The following UCN3 variants were observed in gnomAD, a reference collection of about 807,000 sequenced individuals.
The protein encoded by UCN3 is urocortin 3.
A neutral mutation model predicts 3.6 loss-of-function variants in UCN3; 3 were observed. The observed-to-expected ratio is 0.83, with a 90% CI of 0.38 to 2.15. UCN3 has a LOEUF of 2.15. Among genes scored for constraint, UCN3 ranks in the 30% most tolerant of loss-of-function variants. The pLI, the probability that UCN3 is intolerant of heterozygous loss-of-function variation, is 0.06. For missense variants in UCN3, 206 were observed against 208.3 expected (o/e 0.99, Z 0.07); for synonymous variants, 100 against 93.2 (o/e 1.07, Z -0.42).
intron 1 of UCN3, among the ~76,000 whole-genome samples, chr10:5,371,488 G>T (rs1315095870): frequency 6.6e-6 from 1 of 152,126 alleles, no homozygotes; most frequent in Non-Finnish European, 1.5e-5. Context: ...GGACTTACAG[G>T]ATCCTCCTTT....
Position 5,369,926 on chromosome 10 carries a change from T to C in UCN3, c.-6-3789T>C, listed in dbSNP as rs1281031945. On this transcript the variant is annotated intron_variant, in intron 1 of 1. Transcript: ENST00000380433. The stretch of plus-strand genomic sequence containing the variant: ...ATGTGTGTGTGTATATGTGTGTGTA[T>C]GTGTGTGTGTGTATGTGTGTGTATA... Among the ~76,000 whole-genome samples, 4 of 62,348 alleles carry C rather than the reference T, an allele frequency of 6.4e-5. 1 individual carries two copies. Among genetic ancestry groups the C allele is most frequent in the African/African-American group, 1.1e-4 (2 of 17,524 alleles). The allele number at this position is 62,348 out of a possible 152,430, so 40.9% of individuals were successfully genotyped here. A position where few individuals can be genotyped will look rare whatever the true frequency, so the allele number is the denominator to read the frequency against.
At chr10:5,370,501 ATGCGTGTGTATATGTGTGTGTATG>A (rs1831370071) in intron 1 of UCN3, among the ~76,000 whole-genome samples, 3 of 81,878 alleles carry the variant, frequency 3.7e-5, no homozygotes, top group African/African-American at 5.0e-5. Flanking sequence ...GTGTGTGTAT[ATGCGTGTGTATATGTGTGTGTATG>A]TGTGTGTGTA....
At position 5,373,944 on chromosome 10, in the gene UCN3, G is replaced by T. The variant is rs1277710738; in HGVS notation, c.224G>T (p.Gly75Val). The T allele has an allele frequency of 2.5e-6, 4 of 1,611,622 alleles. No homozygotes were observed. The Admixed American group carries it at 6.7e-5, about 27-fold the overall frequency. ...GCCTCTTCGGGAGAGGAGGAGGAGG[G>T]CAAAGAGAAAAAGACTTTCCCCATC... is the stretch of plus-strand genomic sequence containing the variant. ...RDASSGEEEE[G>V]KEKKTFPISG... The change falls in exon 2 of 2, where the codon GGC becomes GTC. Residue 75 changes from glycine (G) to valine (V), a missense_variant. By Grantham distance (109) the Gly-to-Val change is moderately radical. Transcript: ENST00000380433.
intron 1 of UCN3, among the ~76,000 whole-genome samples, chr10:5,372,715 AAT>A (rs1491195434): frequency 1.2e-3 from 140 of 116,826 alleles, no homozygotes; most frequent in African/African-American, 3.8e-3. Context: ...ACGCCCAGCT[AAT>A]TTTTTTTTTT....
rs549544317 is a variant in UCN3 at position 5,370,806 on chromosome 10, T to C, written c.-6-2909T>C. ...GTGTGTGTGTATGCGTGTGTATATG[T>C]GTGTGTGCGTGTGTGTGCGCGCGTG... On this transcript the variant is annotated intron_variant, in intron 1 of 1. Coordinates refer to ENST00000380433, the MANE Select transcript of UCN3 (RefSeq NM_053049.4). Among the ~76,000 whole-genome samples, 159 of 126,062 alleles carry C rather than the reference T, an allele frequency of 1.3e-3. 7 individuals are homozygous for C. Among genetic ancestry groups the C allele is most frequent in the East Asian group, 4.4e-3 (16 of 3,672 alleles). The allele number at this position is 126,062 out of a possible 152,430, so 82.7% of individuals were successfully genotyped here. A position where few individuals can be genotyped will look rare whatever the true frequency, so the allele number is the denominator to read the frequency against.
At chr10:5,370,497 GTATATGCGTGTGTATATGTGTGTGTA>G (rs1831369697) in intron 1 of UCN3, among the ~76,000 whole-genome samples, 1 of 115,604 alleles carries the variant, frequency 8.7e-6, no homozygotes, top group Non-Finnish European at 1.8e-5. Flanking sequence ...GTATGTGTGT[GTATATGCGTGTGTATATGTGTGTGTA>G]TGTGTGTGTG....
Position 5,370,871 on chromosome 10 carries a change from G to GCGTGTGTA in UCN3, c.-6-2844_-6-2843insCGTGTGTA, listed in dbSNP as rs1339938939. ...TGTGCGCGTGTGTGTGCGTGTGTAT[G>GCGTGTGTA]TGTGTGTATATGCGTGTGTATATGC... is the stretch of plus-strand genomic sequence containing the variant. On this transcript the variant is annotated intron_variant, in intron 1 of 1. Transcript: ENST00000380433. Among the ~76,000 whole-genome samples the GCGTGTGTA allele has an allele frequency of 3.7e-5, 5 of 135,326 alleles. 1 individual carries two copies. The highest frequency in any genetic ancestry group is 1.5e-4 in the African/African-American group (5 of 33,514). 88.8% of individuals were successfully genotyped at this position (135,326 alleles called of 152,430 possible).
intron 1 of UCN3, among the ~76,000 whole-genome samples, chr10:5,370,095 GTATATGCGTGTGTA>G (rs1831336997): frequency 8.7e-6 from 1 of 114,404 alleles, no homozygotes; most frequent in African/African-American, 3.7e-5. Flanking sequence ...ATATGCGTGT[GTATATGCGTGTGTA>G]TATGTGTGTG....
intron 1 of UCN3, among the ~76,000 whole-genome samples, chr10:5,369,644 C>A (rs1212112415): frequency 2.0e-5 from 3 of 152,116 alleles, no homozygotes; most frequent in Non-Finnish European, 4.4e-5. Flanking sequence ...CTATTTAAAG[C>A]GAGGATCATG....
At position 5,374,211 on chromosome 10, in the gene UCN3, G is replaced by A. The variant is rs374147209; in HGVS notation, c.*5G>A. 123 of 1,591,972 alleles carry A rather than the reference G, an allele frequency of 7.7e-5. No homozygotes were observed. The highest frequency in any genetic ancestry group is 2.6e-4 in the South Asian group (23 of 88,872). The stretch of plus-strand genomic sequence containing the variant: ...CAAATTGGGAGGAAGAAGTAGAGGC[G>A]GAGGCTGGACGGGAGGGCAGCGGGG... On this transcript the variant is annotated 3_prime_UTR_variant, in exon 2 of 2. Transcript: ENST00000380433.
At position 5,367,247 on chromosome 10, in the gene UCN3, G is replaced by A. The variant is rs1834126185; in HGVS notation, c.-7+2017G>A. Among the ~76,000 whole-genome samples the A allele has an allele frequency of 6.6e-6, 1 of 152,140 alleles. No individual in the cohort carries two copies. Among genetic ancestry groups the A allele is most frequent in the Non-Finnish European group, 1.5e-5 (1 of 68,020 alleles). The stretch of plus-strand genomic sequence containing the variant: ...AGTTACTTAGACGAGGCTGTTTCAT[G>A]TTCAGAAGCCCTCATCTTTCAAGTG... On this transcript the variant is annotated intron_variant, in intron 1 of 1. Coordinates refer to ENST00000380433, the MANE Select transcript of UCN3 (RefSeq NM_053049.4). This position sits in a 1 kb window ranked among gnomAD's most constrained non-coding sequence, Gnocchi z 4.3.
intron 1 of UCN3, among the ~76,000 whole-genome samples, chr10:5,368,140 A>T (rs1834133493): frequency 6.6e-6 from 1 of 152,066 alleles, no homozygotes; most frequent in African/African-American, 2.4e-5. Flanking sequence ...GGTAGCTGGG[A>T]TTACAGGCGT....
In UCN3 at chr10:5,367,486, A is replaced by G. The variant is rs1554810788; in HGVS notation, c.-7+2256A>G. Among the ~76,000 whole-genome samples, 1 of 152,214 alleles carries G rather than the reference A, an allele frequency of 6.6e-6. No homozygotes were observed. Among genetic ancestry groups the G allele is most frequent in the African/African-American group, 2.4e-5 (1 of 41,460 alleles). ...ATCTGAATTTCAATTCATTCAACAA[A>G]TATTGATTGAGAATATGATTTAGTA... is the stretch of plus-strand genomic sequence containing the variant. On this transcript the variant is annotated intron_variant, in intron 1 of 1. Coordinates refer to ENST00000380433, the MANE Select transcript of UCN3 (RefSeq NM_053049.4). The surrounding 1 kb of genome is among the most constrained non-coding windows in gnomAD (Gnocchi z 4.3).
In UCN3 at chr10:5,366,827, G is replaced by A. The variant is rs1377322625; in HGVS notation, c.-7+1597G>A. Among the ~76,000 whole-genome samples the A allele has an allele frequency of 1.3e-5, 2 of 152,174 alleles. No homozygotes were observed. Among genetic ancestry groups the A allele is most frequent in the South Asian group, 2.1e-4 (1 of 4,822 alleles). On this transcript the variant is annotated intron_variant, in intron 1 of 1. Transcript: ENST00000380433. The surrounding 1 kb of genome is among the most constrained non-coding windows in gnomAD (Gnocchi z 4.2). ...CACCTTTCAATACCCTCACAACCGT[G>A]TGCAGGCTAGAGCTGAGGGTTTGCA...
rs782274690 is a variant in UCN3 at position 5,374,236 on chromosome 10, G to C, written c.*30G>C. The C allele has an allele frequency of 3.5e-6, 3 of 861,794 alleles. No homozygotes were observed. The African/African-American group carries it at 5.3e-5, about 15-fold the overall frequency. The allele number at this position is 861,794 out of a possible 1,614,324, so 53.4% of individuals were successfully genotyped here. ...GGAGGCTGGACGGGAGGGCAGCGGG[G>C]TGGGGAGGGGGAGGGGAGGGGGAGG... On this transcript the variant is annotated 3_prime_UTR_variant, in exon 2 of 2. Coordinates refer to ENST00000380433, the MANE Select transcript of UCN3 (RefSeq NM_053049.4).
intron 1 of UCN3, 106 bp from the exon 2 acceptor site, chr10:5,373,609 C>A: frequency 6.7e-7 from 1 of 1,502,762 alleles, no homozygotes; most frequent in South Asian, 1.3e-5. Flanking sequence ...ACTTGGAGAA[C>A]CCTTGTAGTG....
chr10:5,371,076 GTA>G (rs1255938110), intron 1 of UCN3, among the ~76,000 whole-genome samples: 18 of 150,698 alleles, frequency 1.2e-4, no homozygotes, highest in Admixed American at 7.2e-4. Context: ...TGTGAGGTGT[GTA>G]TGTGTGTGCA....
rs1834131042 is a variant in UCN3, at chr10:5,367,880, T to G, written c.-7+2650T>G. Among the ~76,000 whole-genome samples the G allele has an allele frequency of 6.6e-6, 1 of 151,884 alleles. No homozygotes were observed. Among genetic ancestry groups the G allele is most frequent in the African/African-American group, 2.4e-5 (1 of 41,330 alleles). ...GGGTTCCCTGGGCTGGGGTGCAGGG[T>G]TTGAGTGAGGAAGCAAAATAAACAA... On this transcript the variant is annotated intron_variant, in intron 1 of 1. Transcript: ENST00000380433. This position sits in a 1 kb window ranked among gnomAD's most constrained non-coding sequence, Gnocchi z 4.3.
rs1554811787 is a variant in UCN3 at position 5,373,956 on chromosome 10, A to G, written c.236A>G (p.Lys79Arg). The G allele has an allele frequency of 1.1e-5, 18 of 1,611,210 alleles. No homozygotes were observed. The East Asian group carries it at 3.8e-4, about 34-fold the overall frequency. Residue 79 changes from lysine (K) to arginine (R), a missense_variant, in exon 2 of 2, where the codon AAG becomes AGG. By Grantham distance (26) the Lys-to-Arg change is conservative. Coordinates refer to ENST00000380433, the MANE Select transcript of UCN3 (RefSeq NM_053049.4). ...SGEEEEGKEK[K>R]TFPISGARGG... ...GAGGAGGAGGAGGGCAAAGAGAAAA[A>G]GACTTTCCCCATCTCTGGGGCCAGG...
Sources: allele counts gnomAD v4.1 joint callset (sites outside exome capture counted in the v4.1 genomes callset), GRCh38; gene constraint gnomAD v4.1.1; non-coding constraint Gnocchi (gnomAD v3.1); transcripts MANE v1.5; gene names NCBI Gene and HGNC (gene_info 2026-07-23, HGNC 2026-07-21).